Variants in ARL5A observed in about 807,000 individuals in gnomAD.
ARL5A encodes the protein ARF like GTPase 5A.
A neutral mutation model predicts 25.9 loss-of-function variants in ARL5A; 18 were observed. That is an observed-to-expected ratio of 0.69 (90% CI 0.48 to 1.03). ARL5A has a LOEUF of 1.03. Ranked by LOEUF, ARL5A falls within the 50% of genes least tolerant of loss-of-function variation. The pLI, the probability that ARL5A is intolerant of heterozygous loss-of-function variation, is 0.00. For missense variants in ARL5A, 170 were observed against 211.9 expected, an observed-to-expected ratio of 0.80 and a Z score of 1.23; for synonymous variants, 61 against 67.5, an observed-to-expected ratio of 0.90 and a Z score of 0.47.
intron 3 of ARL5A, among the ~76,000 whole-genome samples, chr2:151,812,921 A>G (rs1578375908): frequency 6.6e-6 from 1 of 152,312 alleles, no homozygotes; most frequent in East Asian, 1.9e-4. Flanking sequence ...ATCTCTATCT[A>G]AAAACAAGCT....
At position 151,828,274 on chromosome 2, in the gene ARL5A, C is replaced by G. The variant is rs2099833371; in HGVS notation, c.-98G>C. 1 of 1,097,188 alleles carries G rather than the reference C, an allele frequency of 9.1e-7. No homozygotes were observed. Among genetic ancestry groups the G allele is most frequent in the Admixed American group, 2.4e-5 (1 of 42,388 alleles). The allele number at this position is 1,097,188 out of a possible 1,614,324, so 68.0% of individuals were successfully genotyped here. On this transcript the variant is annotated 5_prime_UTR_variant, in exon 1 of 6. Coordinates refer to ENST00000295087, the MANE Select transcript of ARL5A (RefSeq NM_012097.4). The stretch of plus-strand genomic sequence containing the variant: ...GAGAGAGACGCGCTGGAGCCTCCGC[C>G]TCTGCTGCTGCTCCCGCGCTGGTCG...
At chr2:151,818,918 T>C (rs1196284547) in intron 1 of ARL5A, among the ~76,000 whole-genome samples, 1 of 152,130 alleles carries the variant, frequency 6.6e-6, no homozygotes, top group Non-Finnish European at 1.5e-5. Flanking sequence ...TACGGGAATA[T>C]ATCCCGCCCC....
chr2:151,810,925 C>A (rs113388031), intron 4 of ARL5A, among the ~76,000 whole-genome samples: 1 of 150,608 alleles, frequency 6.6e-6, no homozygotes, highest in African/African-American at 2.4e-5. Flanking sequence ...TGCATTTTTG[C>A]AAAATAGGAA....
chr2:151,807,118 C>G (rs747082543), intron 4 of ARL5A, 146 bp from the exon 5 acceptor site: 2 of 699,114 alleles, frequency 2.9e-6, no homozygotes, highest in Admixed American at 3.2e-5. Context: ...GCTGATAACA[C>G]ATTTTTTATA....
In ARL5A at chr2:151,809,413, G is replaced by T. The variant is rs188092860; in HGVS notation, c.340-2441C>A. Among the ~76,000 whole-genome samples the T allele has an allele frequency of 3.7e-3, 570 of 152,166 alleles. 3 individuals carry two copies. The highest frequency in any genetic ancestry group is 5.7e-3 in the Non-Finnish European group (386 of 68,006). ...AAATCAGTTTTTCTAGATCTAAAAG[G>T]TTCAAACTTTAATTTAGAGTTCTTG... On this transcript the variant is annotated intron_variant, in intron 4 of 5. Transcript: ENST00000295087.
intron 1 of ARL5A, among the ~76,000 whole-genome samples, chr2:151,817,744 A>C (rs904370963): frequency 2.0e-5 from 3 of 152,312 alleles, no homozygotes; most frequent in East Asian, 3.9e-4. Context: ...GCTCATGCCT[A>C]TAATCCCAGC....
chr2:151,816,930 G>C (rs971157147), intron 1 of ARL5A, among the ~76,000 whole-genome samples: 7 of 152,152 alleles, frequency 4.6e-5, no homozygotes, highest in Non-Finnish European at 1.0e-4. Context: ...TGTGTATTGA[G>C]CACATTTAAG....
chr2:151,821,676 C>T (rs188446638), intron 1 of ARL5A, among the ~76,000 whole-genome samples: 45 of 152,168 alleles, frequency 3.0e-4, no homozygotes, highest in African/African-American at 1.0e-3. Flanking sequence ...GTGAGCTTGG[C>T]TCAATGAAAC....
At chr2:151,826,293 AATTT>A (rs998288244) in intron 1 of ARL5A, among the ~76,000 whole-genome samples, 4 of 152,220 alleles carry the variant, frequency 2.6e-5, no homozygotes, top group Non-Finnish European at 5.9e-5. Flanking sequence ...TAACTTCATT[AATTT>A]CTCTATTAAT....
intron 1 of ARL5A, 54 bp downstream of exon 1, chr2:151,828,077 C>A (rs2099833331): frequency 6.3e-7 from 1 of 1,584,466 alleles, no homozygotes; most frequent in East Asian, 2.4e-5. Flanking sequence ...CCCACCTAGC[C>A]GGCCCGAGCT....
intron 3 of ARL5A, among the ~76,000 whole-genome samples, chr2:151,813,203 C>G (rs1243965937): frequency 1.3e-5 from 2 of 152,016 alleles, no homozygotes; most frequent in East Asian, 1.9e-4. Context: ...ATTTTTGGGA[C>G]CTAGATCTTA....
At chr2:151,823,207 T>A (rs2099832589) in intron 1 of ARL5A, among the ~76,000 whole-genome samples, 3 of 152,208 alleles carry the variant, frequency 2.0e-5, no homozygotes, top group Admixed American at 6.5e-5. Context: ...GCTCCTGGAA[T>A]AAAGCATGAG....
intron 1 of ARL5A, chr2:151,827,401 T>C (rs944076088): frequency 3.9e-5 from 6 of 152,226 alleles, no homozygotes; most frequent in African/African-American, 1.4e-4. Flanking sequence ...ATGTTTCATA[T>C]GGTATGTTTT....
chr2:151,820,477 T>C (rs1394992384), intron 1 of ARL5A, among the ~76,000 whole-genome samples: 1 of 151,738 alleles, frequency 6.6e-6, no homozygotes, highest in Non-Finnish European at 1.5e-5. Flanking sequence ...TTGGCCAACA[T>C]GGCGAAACCC....
intron 1 of ARL5A, among the ~76,000 whole-genome samples, chr2:151,816,032 T>G (rs548908338): frequency 4.6e-5 from 7 of 152,304 alleles, no homozygotes; most frequent in African/African-American, 1.7e-4. Flanking sequence ...TCCTCTTGAA[T>G]CTGGGGTGGC....
chr2:151,827,521 C>T (rs574128251), intron 1 of ARL5A: 1 of 152,212 alleles, frequency 6.6e-6, no homozygotes, highest in African/African-American at 2.4e-5. Flanking sequence ...ACCTTAAACA[C>T]AGATATAATA....
chr2:151,827,855 C>T, intron 1 of ARL5A: 1 of 486,248 alleles, frequency 2.1e-6, no homozygotes, highest in Middle Eastern at 5.3e-4. Flanking sequence ...GGCAAGAAAC[C>T]TTTACCACTC....
intron 1 of ARL5A, 45 bp downstream of exon 1, chr2:151,828,086 C>T (rs1348974627): frequency 3.8e-6 from 6 of 1,595,230 alleles, no homozygotes; most frequent in Non-Finnish European, 5.1e-6. Context: ...CCGGCCCGAG[C>T]TGACCCTCTC....
rs2099829310 is a variant in ARL5A, at chr2:151,800,801, T to G, written c.*2475A>C. The G allele has an allele frequency of 6.6e-6, 1 of 152,554 alleles. No homozygotes were observed. Among genetic ancestry groups the G allele is most frequent in the Admixed American group, 6.5e-5 (1 of 15,282 alleles). The allele number at this position is 152,554 out of a possible 1,614,324, so 9.5% of individuals were successfully genotyped here. A position where few individuals can be genotyped will look rare whatever the true frequency, so the allele number is the denominator to read the frequency against. On this transcript the variant is annotated 3_prime_UTR_variant, in exon 6 of 6. Transcript: ENST00000295087. ...AAAGAAGTTACATGACTTTCAAAAT[T>G]AGTATCAAAAACAGGATATTTAAAT...
Sources: allele counts gnomAD v4.1 joint callset (sites outside exome capture counted in the v4.1 genomes callset), GRCh38; gene constraint gnomAD v4.1.1; transcripts MANE v1.5; gene names NCBI Gene and HGNC (gene_info 2026-07-23, HGNC 2026-07-21).